Variants in CPPED1 observed in about 807,000 individuals in gnomAD.
CPPED1 encodes serine/threonine-protein phosphatase CPPED1.
Under a neutral mutation model 28.0 loss-of-function variants are expected in CPPED1, and 28 were observed. The observed-to-expected ratio is 1.00, with a 90% CI of 0.74 to 1.37. The LOEUF (loss-of-function observed/expected upper bound fraction) is 1.37, where lower values mean the gene tolerates loss of function less well. CPPED1 is among the 40% of genes most tolerant of loss of function. The pLI is 0.00. For synonymous variants in CPPED1, 198 were observed against 180.2 expected (o/e 1.10, Z -0.79); for missense variants, 504 against 416.5 (o/e 1.21, Z -1.83).
rs2079815200 is a variant in CPPED1 at position 12,664,734 on chromosome 16, G to T, written c.*152C>A. ...CTATTTTGAATATAATTCAGGACAG[G>T]GCCCCAGCTCTCTGATTTATGCAAA... On this transcript the variant is annotated 3_prime_UTR_variant, in exon 4 of 4. Transcript: ENST00000381774. This position sits in a 1 kb window ranked among gnomAD's most constrained non-coding sequence, Gnocchi z 4.2. 4.7e-6 allele frequency: 7 copies of T among 1,482,618 alleles called. No homozygotes were observed. The highest frequency in any genetic ancestry group is 6.2e-6 in the Non-Finnish European group (7 of 1,129,286). The allele number at this position is 1,482,618 out of a possible 1,614,324, so 91.8% of individuals were successfully genotyped here. A position where few individuals can be genotyped will look rare whatever the true frequency, so the allele number is the denominator to read the frequency against.
At chr16:12,687,843 C>T (rs1254515338) in intron 3 of CPPED1, among the ~76,000 whole-genome samples, 1 of 152,002 alleles carries the variant, frequency 6.6e-6, no homozygotes, top group East Asian at 1.9e-4. Flanking sequence ...ATTAATTGAA[C>T]AGATGCCCCA....
At position 12,704,633 on chromosome 16, in the gene CPPED1, T is replaced by A. The variant is rs754364791; in HGVS notation, c.706A>T (p.Ile236Phe). ...GGCCCGGGGCCTCTACCTGCGTGGA[T>A]GAACTTGTCTGCCAACTTCTTCCGA... ...STRKKLADKFIHAGVKVVFSG... is the reference protein window; with the variant it reads ...STRKKLADKFFHAGVKVVFSG... The change falls in exon 3 of 4, where the codon ATC becomes TTC. Residue 236 changes from isoleucine to phenylalanine, a missense_variant. Ile to Phe is a conservative substitution (Grantham distance 21). Transcript: ENST00000381774. 3.1e-6 allele frequency: 5 copies of A among 1,609,378 alleles called. No homozygotes were observed. The East Asian group carries it at 1.1e-4, about 36-fold the overall frequency.
chr16:12,778,277 C>CTTTCTT (rs1555491003), intron 2 of CPPED1, among the ~76,000 whole-genome samples: 3 of 116,162 alleles, frequency 2.6e-5, no homozygotes, highest in African/African-American at 6.8e-5. Flanking sequence ...TTCTTTCTTT[C>CTTTCTT]TTTTTTTTTT....
intron 2 of CPPED1, among the ~76,000 whole-genome samples, chr16:12,775,282 G>A (rs1053578344): frequency 6.6e-6 from 1 of 152,066 alleles, no homozygotes; most frequent in Non-Finnish European, 1.5e-5. Flanking sequence ...CTCCATAACT[G>A]AAAGAAATAA....
chr16:12,730,581 T>C (rs770242228), intron 2 of CPPED1, among the ~76,000 whole-genome samples: 1 of 152,208 alleles, frequency 6.6e-6, no homozygotes. Context: ...ATTTGTGATC[T>C]GTTCATTAGA....
At position 12,670,702 on chromosome 16, in the gene CPPED1, A is replaced by G. The variant is rs2079848793; in HGVS notation, c.716-5587T>C. The stretch of plus-strand genomic sequence containing the variant: ...TCAGACACATTCCCAAGAGAGACAC[A>G]TTGTATCAAATACCTGACCAGCACT... On this transcript the variant is annotated intron_variant, in intron 3 of 3. Transcript: ENST00000381774. The surrounding 1 kb of genome is among the most constrained non-coding windows in gnomAD (Gnocchi z 4.2). Among the ~76,000 whole-genome samples the G allele has an allele frequency of 6.6e-6, 1 of 152,224 alleles. No homozygotes were observed. The highest frequency in any genetic ancestry group is 1.5e-5 in the Non-Finnish European group (1 of 68,028).
At chr16:12,718,277 G>A (rs2080118092) in intron 2 of CPPED1, among the ~76,000 whole-genome samples, 2 of 152,226 alleles carry the variant, frequency 1.3e-5, no homozygotes, top group Non-Finnish European at 1.5e-5. Flanking sequence ...AGTGGCTTAT[G>A]TCTGTAATCC....
chr16:12,776,686 T>C (rs35949504), intron 2 of CPPED1, among the ~76,000 whole-genome samples: 34,828 of 152,076 alleles, frequency 0.23, 4,322 homozygotes, highest in East Asian at 0.3. Flanking sequence ...TTTGGGAGGC[T>C]GAGGCAGGTG....
chr16:12,781,910 G>A (rs1027751012), intron 1 of CPPED1, among the ~76,000 whole-genome samples: 4 of 152,016 alleles, frequency 2.6e-5, no homozygotes, highest in African/African-American at 9.7e-5. Context: ...GGAAGCTCTG[G>A]CTATCTGGTG....
chr16:12,772,542 G>A (rs2080475903), intron 2 of CPPED1, among the ~76,000 whole-genome samples: 1 of 152,060 alleles, frequency 6.6e-6, no homozygotes, highest in Admixed American at 6.6e-5. Context: ...CCATTTGTTG[G>A]AATCATTTCT....
Position 12,682,658 on chromosome 16 carries a change from C to T in CPPED1, c.716-17543G>A, listed in dbSNP as rs976814470. Among the ~76,000 whole-genome samples the T allele has an allele frequency of 7.9e-5, 12 of 152,200 alleles. No individual in the cohort carries two copies. Among genetic ancestry groups the T allele is most frequent in the African/African-American group, 2.2e-4 (9 of 41,452 alleles). On this transcript the variant is annotated intron_variant, in intron 3 of 3. Coordinates refer to ENST00000381774, the MANE Select transcript of CPPED1 (RefSeq NM_018340.3). This position sits in a 1 kb window ranked among gnomAD's most constrained non-coding sequence, Gnocchi z 6.1. ...GGAAGATAAGTGAGAATCAGGGACA[C>T]GCCCTGGGTGGCACAGCAGGAAGCT...
chr16:12,784,974 G>A (rs1174293004), intron 1 of CPPED1, among the ~76,000 whole-genome samples: 3 of 152,080 alleles, frequency 2.0e-5, no homozygotes, highest in Non-Finnish European at 4.4e-5. Context: ...TAAAATAAAC[G>A]ACAGCTCACA....
intron 1 of CPPED1, among the ~76,000 whole-genome samples, chr16:12,786,371 G>GA (rs1364400687): frequency 2.0e-5 from 3 of 152,024 alleles, no homozygotes; most frequent in African/African-American, 7.3e-5. Flanking sequence ...GGTTGGAGGA[G>GA]AAACAGAAGC....
At chr16:12,793,990 C>T (rs2080611608) in intron 1 of CPPED1, among the ~76,000 whole-genome samples, 1 of 152,128 alleles carries the variant, frequency 6.6e-6, no homozygotes, top group Non-Finnish European at 1.5e-5. Flanking sequence ...ATCTAAATGT[C>T]TCCAGCAATA....
chr16:12,797,612 G>C (rs2080635395), intron 1 of CPPED1, among the ~76,000 whole-genome samples: 1 of 152,124 alleles, frequency 6.6e-6, no homozygotes, highest in Non-Finnish European at 1.5e-5. Context: ...TCCTAGCACA[G>C]GGATTTCCAA....
rs1435392676 is a variant in CPPED1, at chr16:12,661,930, C to CA, written c.*2955dup. 3.3e-5 allele frequency: 5 copies of CA among 152,514 alleles called. No individual in the cohort carries two copies. The highest frequency in any genetic ancestry group is 1.2e-4 in the African/African-American group (5 of 41,594). 9.4% of individuals were successfully genotyped at this position (152,514 alleles called of 1,614,324 possible). On this transcript the variant is annotated 3_prime_UTR_variant, in exon 4 of 4. Coordinates refer to ENST00000381774, the MANE Select transcript of CPPED1 (RefSeq NM_018340.3). ...TGTCCAAGGTGCTGAATACCGTACT[C>CA]AGTGTGTTGCCACTGGCTGAGCTGG... is the stretch of plus-strand genomic sequence containing the variant.
Position 12,661,636 on chromosome 16 carries a change from G to A in CPPED1, c.*3250C>T, listed in dbSNP as rs973825098. 6 of 152,220 alleles carry A rather than the reference G, an allele frequency of 3.9e-5. No homozygotes were observed. Among genetic ancestry groups the A allele is most frequent in the Non-Finnish European group, 7.3e-5 (5 of 68,054 alleles). 9.4% of individuals were successfully genotyped at this position (152,220 alleles called of 1,614,324 possible). A position where few individuals can be genotyped will look rare whatever the true frequency, so the allele number is the denominator to read the frequency against. ...AGGGGAGCATTAGGTGACATTCCTT[G>A]CCTTGAGACAGCTGGTGGTTTCCTA... is the stretch of plus-strand genomic sequence containing the variant. On this transcript the variant is annotated 3_prime_UTR_variant, in exon 4 of 4. Transcript: ENST00000381774.
At chr16:12,762,357 T>C (rs953495807) in intron 2 of CPPED1, among the ~76,000 whole-genome samples, 5 of 152,242 alleles carry the variant, frequency 3.3e-5, no homozygotes, top group Admixed American at 1.3e-4. Context: ...TTATGCTGTA[T>C]GTCAGGGCAA....
Position 12,662,020 on chromosome 16 carries a change from G to A in CPPED1, c.*2866C>T, listed in dbSNP as rs2079797665. 1 of 152,222 alleles carries A rather than the reference G, an allele frequency of 6.6e-6. No homozygotes were observed. Among genetic ancestry groups the A allele is most frequent in the South Asian group, 2.1e-4 (1 of 4,834 alleles). 9.4% of individuals were successfully genotyped at this position (152,222 alleles called of 1,614,324 possible). On this transcript the variant is annotated 3_prime_UTR_variant, in exon 4 of 4. Transcript: ENST00000381774. Reference sequence around the variant, plus strand: ...ACAGTGTTATGGAGCATGGACTCAAGCCTTGGGCCATCTACATCCGTTCTT... The same window carrying A: ...ACAGTGTTATGGAGCATGGACTCAAACCTTGGGCCATCTACATCCGTTCTT...
Sources: allele counts gnomAD v4.1 joint callset (sites outside exome capture counted in the v4.1 genomes callset), GRCh38; gene constraint gnomAD v4.1.1; non-coding constraint Gnocchi (gnomAD v3.1); transcripts MANE v1.5; gene names NCBI Gene and HGNC (gene_info 2026-07-23, HGNC 2026-07-21).